The following EGF variants were observed in gnomAD, a reference collection of about 807,000 sequenced individuals.
The protein encoded by EGF is epidermal growth factor.
In EGF, 95 loss-of-function variants were observed where a neutral mutation model predicts 143.8. That is an observed-to-expected ratio of 0.66 (90% CI 0.56 to 0.78). The LOEUF is 0.78. Ranked by LOEUF, EGF falls within the 30% of genes least tolerant of loss-of-function variation. The pLI is 0.00. For missense variants in EGF, 1,320 were observed against 1,470.9 expected (o/e 0.90, Z 1.68); for synonymous variants, 510 against 510.5 (o/e 1.00, Z 0.01).
chr4:109,943,514 C>G, intron 3 of EGF, 79 bp downstream of exon 3: 23 of 1,488,456 alleles, frequency 1.5e-5, no homozygotes, highest in Non-Finnish European at 2.0e-5. Flanking sequence ...ATTGTAAATT[C>G]AAAGGGATCC....
At chr4:109,966,840 C>G (rs537799555) in intron 10 of EGF, among the ~76,000 whole-genome samples, 1 of 152,164 alleles carries the variant, frequency 6.6e-6, no homozygotes, top group East Asian at 1.9e-4. Flanking sequence ...TGTGTGTCTT[C>G]TTTTGAAAAA....
intron 1 of EGF, among the ~76,000 whole-genome samples, 181 bp downstream of exon 1, chr4:109,913,643 C>G (rs1292125472): frequency 6.6e-6 from 1 of 152,176 alleles, no homozygotes; most frequent in African/African-American, 2.4e-5. Flanking sequence ...AATCTGCTAC[C>G]AACTATAAAA....
At position 109,976,086 on chromosome 4, in the gene EGF, T is replaced by C. The variant is rs899613927; in HGVS notation, c.1904T>C (p.Val635Ala). 6.2e-7 allele frequency: 1 copy of C among 1,613,958 alleles called. No individual in the cohort carries two copies. The highest frequency in any genetic ancestry group is 8.5e-7 in the Non-Finnish European group (1 of 1,179,936). Residue 635 changes from valine (V) to alanine (A), a missense_variant, in exon 13 of 24, where the codon GTT becomes GCT. Val to Ala is a moderately conservative substitution (Grantham distance 64). Transcript: ENST00000265171. Reference sequence around the variant, plus strand: ...TCCCTCCAAGGCCTTGGCCGTCTGGTTATAGCCAGCTCTGATCTAATCTGG... The same window carrying C: ...TCCCTCCAAGGCCTTGGCCGTCTGGCTATAGCCAGCTCTGATCTAATCTGG... The part of the protein sequence containing the change: ...SSSLQGLGRL[V>A]IASSDLIWPS...
At chr4:109,978,522 G>A (rs1256662939) in intron 13 of EGF, among the ~76,000 whole-genome samples, 3 of 152,116 alleles carry the variant, frequency 2.0e-5, no homozygotes, top group Admixed American at 6.6e-5. Flanking sequence ...AATTATTTGA[G>A]GTATCTAGAG....
At chr4:109,993,413 CG>C in intron 19 of EGF, 44 bp downstream of exon 19, 1 of 1,610,636 alleles carries the variant, frequency 6.2e-7, no homozygotes, top group East Asian at 2.2e-5. Context: ...GGACTTGGCT[CG>C]GGGATATTCT....
intron 1 of EGF, among the ~76,000 whole-genome samples, chr4:109,936,823 G>C (rs1740898325): frequency 6.6e-6 from 1 of 152,172 alleles, no homozygotes; most frequent in African/African-American, 2.4e-5. Flanking sequence ...GGAGAAGGTT[G>C]CTCAGTTTCC....
intron 13 of EGF, among the ~76,000 whole-genome samples, chr4:109,978,275 A>T (rs1459736392): frequency 6.6e-6 from 1 of 152,266 alleles, no homozygotes; most frequent in African/African-American, 2.4e-5. Context: ...ATAAAAACAT[A>T]TAATATTGTT....
chr4:109,961,965 G>C lies in EGF; in HGVS notation c.1292G>C (p.Arg431Thr). Residue 431 changes from arginine (R) to threonine (T), a missense_variant, in exon 8 of 24, where the codon AGA becomes ACA. Coordinates refer to ENST00000265171, the MANE Select transcript of EGF (RefSeq NM_001963.6). Reference protein sequence around the residue: ...CFCPEGSVLERDGKTCSGCSS... With the variant: ...CFCPEGSVLETDGKTCSGCSS... Reference sequence around the variant, plus strand: ...TGTCCTGAAGGCTCAGTGCTTGAGAGAGATGGGAAAACATGTAGCGGTGAG... The same window carrying C: ...TGTCCTGAAGGCTCAGTGCTTGAGACAGATGGGAAAACATGTAGCGGTGAG... 2 of 1,613,774 alleles carry C rather than the reference G, an allele frequency of 1.2e-6. No homozygotes were observed. The highest frequency in any genetic ancestry group is 1.7e-6 in the Non-Finnish European group (2 of 1,179,802).
intron 23 of EGF, among the ~76,000 whole-genome samples, chr4:110,009,667 A>G (rs1481957265): frequency 6.6e-6 from 1 of 152,102 alleles, no homozygotes; most frequent in African/African-American, 2.4e-5. Flanking sequence ...CACATCCCCA[A>G]TCATGTCCAG....
At chr4:109,979,062 C>A (rs931022037) in intron 13 of EGF, among the ~76,000 whole-genome samples, 8 of 152,174 alleles carry the variant, frequency 5.3e-5, no homozygotes, top group Non-Finnish European at 7.3e-5. Flanking sequence ...CATTCCCTTG[C>A]GTATTCAATA....
At chr4:109,986,748 GAA>G (rs199713631) in intron 16 of EGF, among the ~76,000 whole-genome samples, 37 of 141,242 alleles carry the variant, frequency 2.6e-4, no homozygotes, top group African/African-American at 8.7e-4. Flanking sequence ...TAAGTAAAGA[GAA>G]AAAAAAAAAA....
intron 1 of EGF, among the ~76,000 whole-genome samples, chr4:109,936,818 A>C (rs541476625): frequency 1.3e-5 from 2 of 152,324 alleles, no homozygotes; most frequent in East Asian, 3.9e-4. Flanking sequence ...ATTCAGGAGA[A>C]GGTTGCTCAG....
chr4:109,956,850 A>G (rs1029934887), intron 5 of EGF, among the ~76,000 whole-genome samples: 27 of 152,212 alleles, frequency 1.8e-4, no homozygotes, highest in Non-Finnish European at 3.4e-4. Flanking sequence ...CAAAATAACT[A>G]AGGAAATAAC....
chr4:109,934,112 A>G (rs1210224542), intron 1 of EGF, among the ~76,000 whole-genome samples: 1 of 152,218 alleles, frequency 6.6e-6, no homozygotes, highest in Non-Finnish European at 1.5e-5. Flanking sequence ...AATGATCGCC[A>G]TTCTAACTGG....
At chr4:109,987,119 A>G (rs1011105086) in intron 16 of EGF, among the ~76,000 whole-genome samples, 1 of 152,218 alleles carries the variant, frequency 6.6e-6, no homozygotes, top group Non-Finnish European at 1.5e-5. Flanking sequence ...AAAACAAGCA[A>G]CAGACCTTTC....
chr4:109,915,605 G>A (rs1736506556), intron 1 of EGF, among the ~76,000 whole-genome samples: 1 of 152,182 alleles, frequency 6.6e-6, no homozygotes, highest in African/African-American at 2.4e-5. Flanking sequence ...GCTGATAACT[G>A]CCTGGGTCAC....
intron 1 of EGF, among the ~76,000 whole-genome samples, chr4:109,928,175 G>C (rs936056086): frequency 1.3e-5 from 2 of 152,148 alleles, no homozygotes; most frequent in African/African-American, 4.8e-5. Context: ...AGATGTTAAA[G>C]CAATTTAATG....
At chr4:110,004,703 C>A in intron 22 of EGF, 81 bp downstream of exon 22, 1 of 1,083,196 alleles carries the variant, frequency 9.2e-7, no homozygotes, top group Non-Finnish European at 1.3e-6. Context: ...TCACTGAGTT[C>A]AGAATGACTG....
rs1750852727 is a variant in EGF, at chr4:109,990,998, C to T, written c.2735-2249C>T. Reference sequence around the variant, plus strand: ...GAATTGGAGGGGCAGGGACACATTTCAGCCTGTAACAGATGGGTTGGGTTA... The same window carrying T: ...GAATTGGAGGGGCAGGGACACATTTTAGCCTGTAACAGATGGGTTGGGTTA... On this transcript the variant is annotated intron_variant, in intron 18 of 23. Coordinates refer to ENST00000265171, the MANE Select transcript of EGF (RefSeq NM_001963.6). Among the ~76,000 whole-genome samples, 3 of 152,122 alleles carry T rather than the reference C, an allele frequency of 2.0e-5. No individual in the cohort carries two copies. In the South Asian group the frequency reaches 6.2e-4, roughly 32 times the overall value.
Sources: gnomAD v4.1 joint callset for allele counts (sites outside exome capture counted in the v4.1 genomes callset) on GRCh38, gnomAD v4.1.1 for gene constraint, MANE v1.5 for transcripts, NCBI Gene and HGNC (gene_info 2026-07-23, HGNC 2026-07-21) for gene names.